SLC71A2: variants seen among roughly 807,000 people sequenced by gnomAD.
SLC71A2 encodes the protein hippocampus abundant transcript-like 1.
the SLC71A2 span, among the ~76,000 whole-genome samples, chr9:94,389,039 G>A: frequency 6.6e-6 from 1 of 151,798 alleles, no homozygotes; most frequent in Non-Finnish European, 1.5e-5. Flanking sequence ...ATGCACTAGA[G>A]GCTATAAGGG....
At chr9:94,379,138 G>T in the SLC71A2 span, among the ~76,000 whole-genome samples, 4 of 146,492 alleles carry the variant, frequency 2.7e-5, no homozygotes, top group Non-Finnish European at 4.5e-5. Context: ...CCAGGCTGGA[G>T]TGCAATGGTG....
At chr9:94,408,502 G>A in the SLC71A2 span, among the ~76,000 whole-genome samples, 1 of 152,124 alleles carries the variant, frequency 6.6e-6, no homozygotes, top group East Asian at 1.9e-4. Context: ...GGAATTCTGG[G>A]AGGTTTTTGA....
the SLC71A2 span, among the ~76,000 whole-genome samples, chr9:94,438,230 G>T: frequency 6.6e-6 from 1 of 152,112 alleles, no homozygotes; most frequent in Non-Finnish European, 1.5e-5. Context: ...GAGCCACCAC[G>T]CCAGGCCTAA....
the SLC71A2 span, among the ~76,000 whole-genome samples, chr9:94,443,574 T>C: frequency 6.6e-6 from 1 of 152,202 alleles, no homozygotes; most frequent in Non-Finnish European, 1.5e-5. Context: ...AGTCATTCTT[T>C]AGATTTATTC....
the SLC71A2 span, among the ~76,000 whole-genome samples, chr9:94,396,908 T>C: frequency 2.0e-5 from 3 of 152,116 alleles, no homozygotes; most frequent in East Asian, 5.8e-4. Context: ...GTAGCCAGGA[T>C]TACAGGCATG....
chr9:94,456,089 TA>T, the SLC71A2 span: 8,689 of 494,038 alleles, frequency 0.018, no homozygotes, highest in South Asian at 0.027. Flanking sequence ...CCTTGTAGGT[TA>T]AAAAAAAAAT....
the SLC71A2 span, among the ~76,000 whole-genome samples, chr9:94,389,981 G>A: frequency 9.2e-5 from 14 of 152,074 alleles, no homozygotes; most frequent in African/African-American, 3.1e-4. Flanking sequence ...TTGGGAGGCC[G>A]AGGTGGGTGG....
the SLC71A2 span, among the ~76,000 whole-genome samples, chr9:94,385,813 TTGGCTG>T: frequency 6.6e-6 from 1 of 152,012 alleles, no homozygotes; most frequent in African/African-American, 2.4e-5. Flanking sequence ...CAAGACTGTT[TTGGCTG>T]TTTGGTGTTC....
At chr9:94,400,967 C>G in the SLC71A2 span, among the ~76,000 whole-genome samples, 1 of 152,128 alleles carries the variant, frequency 6.6e-6, no homozygotes, top group Non-Finnish European at 1.5e-5. Context: ...CACTTTGTAG[C>G]CTTTCAGACT....
At chr9:94,409,989 C>T in the SLC71A2 span, among the ~76,000 whole-genome samples, 2 of 145,086 alleles carry the variant, frequency 1.4e-5, no homozygotes, top group Admixed American at 7.2e-5. Context: ...TCTAATTGTT[C>T]TATCAGTTAC....
chr9:94,392,862 A>G, the SLC71A2 span, among the ~76,000 whole-genome samples: 1 of 151,408 alleles, frequency 6.6e-6, no homozygotes, highest in Non-Finnish European at 1.5e-5. Flanking sequence ...CAATTAAGGC[A>G]TCTTATCTAG....
At chr9:94,409,644 A>G in the SLC71A2 span, among the ~76,000 whole-genome samples, 1 of 152,200 alleles carries the variant, frequency 6.6e-6, no homozygotes, top group Non-Finnish European at 1.5e-5. Context: ...TTTAAGCTGC[A>G]TTCAACTGGT....
the SLC71A2 span, among the ~76,000 whole-genome samples, chr9:94,379,509 C>T: frequency 6.7e-6 from 1 of 148,272 alleles, no homozygotes; most frequent in Non-Finnish European, 1.5e-5. Flanking sequence ...CCTGCCTCAG[C>T]CTCCCTAGTA....
At chr9:94,445,774 A>C in the SLC71A2 span, among the ~76,000 whole-genome samples, 1 of 152,166 alleles carries the variant, frequency 6.6e-6, no homozygotes. Context: ...TTGGGGAAAA[A>C]AAAAGTTTGT....
the SLC71A2 span, among the ~76,000 whole-genome samples, chr9:94,387,940 TCTGA>T: frequency 3.3e-4 from 50 of 152,342 alleles, no homozygotes; most frequent in African/African-American, 1.0e-3. Flanking sequence ...TTACTATTCA[TCTGA>T]CTAATTGCTT....
At chr9:94,390,637 T>C in the SLC71A2 span, among the ~76,000 whole-genome samples, 2 of 152,212 alleles carry the variant, frequency 1.3e-5, no homozygotes, top group African/African-American at 4.8e-5. Context: ...CATATATGGA[T>C]GTGCACATGT....
the SLC71A2 span, among the ~76,000 whole-genome samples, chr9:94,411,312 T>G: frequency 2.0e-5 from 3 of 147,958 alleles, no homozygotes; most frequent in Admixed American, 2.1e-4. Context: ...TTGACTGCAT[T>G]GAATCCAGGT....
the SLC71A2 span, among the ~76,000 whole-genome samples, chr9:94,406,066 A>ATATTT: frequency 1.6e-5 from 1 of 63,598 alleles, no homozygotes; most frequent in Admixed American, 2.7e-4. Context: ...TGCAACTTGA[A>ATATTT]TTTTTTTTTT....
chr9:94,454,727 ATGAC>A, the SLC71A2 span, among the ~76,000 whole-genome samples: 111 of 152,308 alleles, frequency 7.3e-4, no homozygotes, highest in African/African-American at 2.4e-3. Context: ...TACAAAAAAA[ATGAC>A]TGATTATGGC....
Sources: allele counts gnomAD v4.1 joint callset (sites outside exome capture counted in the v4.1 genomes callset), GRCh38; gene constraint gnomAD v4.1.1; transcripts MANE v1.5; gene names NCBI Gene and HGNC (gene_info 2026-07-23, HGNC 2026-07-21).